The following APC variants were observed in gnomAD, a reference collection of about 807,000 sequenced individuals.
APC encodes adenomatous polyposis coli protein.
A neutral mutation model predicts 247.0 loss-of-function variants in APC; 72 were observed. The observed-to-expected ratio is 0.29, with a 90% CI of 0.24 to 0.35. The LOEUF (loss-of-function observed/expected upper bound fraction) is 0.35, where lower values mean the gene tolerates loss of function less well. Ranked by LOEUF, APC falls within the 10% of genes least tolerant of loss-of-function variation. The pLI is 1.00. For synonymous variants in APC, 1,254 were observed against 1,162.5 expected, an observed-to-expected ratio of 1.08 and a Z score of -1.60; for missense variants, 3,400 against 3,360.7, an observed-to-expected ratio of 1.01 and a Z score of -0.29.
Position 112,842,993 on chromosome 5 carries a change from C to A in APC, c.7399C>A (p.Pro2467Thr), listed in dbSNP as rs372305287. The A allele has an allele frequency of 1.0e-4, 168 of 1,613,906 alleles. No individual in the cohort carries two copies. The Middle Eastern group carries it at 1.3e-3, about 13-fold the overall frequency. The stretch of plus-strand genomic sequence containing the variant: ...ATCTGCTTCATTTGAATCTCTTTCT[C>A]CATCATCTAGACCAGCTTCTCCCAC... ...EESASFESLS[P>T]SSRPASPTRS... The change falls in exon 16 of 16, where the codon CCA becomes ACA. Residue 2467 changes from proline (P) to threonine (T), a missense_variant. Pro to Thr is a conservative substitution (Grantham distance 38). Around this residue, in one of 9 missense-constraint regions of APC, gnomAD observed 1,788 missense variants for 1,649.5 expected, o/e 1.08. Coordinates refer to ENST00000257430, the MANE Select transcript of APC (RefSeq NM_000038.6).
intron 1 of APC, among the ~76,000 whole-genome samples, chr5:112,740,765 A>G (rs1279847252): frequency 6.6e-6 from 1 of 151,904 alleles, no homozygotes; most frequent in Non-Finnish European, 1.5e-5. Flanking sequence ...AGCTCAAATG[A>G]TCCTCCCACC....
At chr5:112,732,700 TAGTC>T (rs1184450502) in intron 1 of APC, among the ~76,000 whole-genome samples, 7 of 152,172 alleles carry the variant, frequency 4.6e-5, no homozygotes, top group Non-Finnish European at 8.8e-5. Context: ...GGGATTTTAA[TAGTC>T]AGGAATGGGA....
intron 1 of APC, among the ~76,000 whole-genome samples, chr5:112,724,227 C>T (rs2149661642): frequency 6.6e-6 from 1 of 151,972 alleles, no homozygotes; most frequent in East Asian, 1.9e-4. Context: ...CTACTAGATA[C>T]CTGGGACAGT....
intron 2 of APC, among the ~76,000 whole-genome samples, chr5:112,755,441 A>G (rs1057412989): frequency 4.6e-5 from 7 of 152,200 alleles, no homozygotes; most frequent in African/African-American, 1.7e-4. Flanking sequence ...TAGGTGATCA[A>G]GAAAATCAGG....
At chr5:112,721,861 A>G (rs186609525) in intron 1 of APC, among the ~76,000 whole-genome samples, 2 of 152,110 alleles carry the variant, frequency 1.3e-5, no homozygotes, top group Admixed American at 1.3e-4. Context: ...AACACTAACA[A>G]TAGCTGATGA....
At chr5:112,759,367 T>TC (rs1306196299) in intron 2 of APC, among the ~76,000 whole-genome samples, 1 of 147,462 alleles carries the variant, frequency 6.8e-6, no homozygotes, top group East Asian at 1.9e-4. Context: ...TTTTTTTTTT[T>TC]TTTTTTTTTG....
intron 11 of APC, among the ~76,000 whole-genome samples, chr5:112,825,133 A>G (rs909821363): frequency 2.0e-5 from 3 of 152,182 alleles, no homozygotes; most frequent in Admixed American, 1.3e-4. Context: ...TCAAATTTCA[A>G]AATCTTGGAA....
chr5:112,774,741 T>C (rs2149812772), intron 4 of APC, among the ~76,000 whole-genome samples: 1 of 152,052 alleles, frequency 6.6e-6, no homozygotes, highest in South Asian at 2.1e-4. Context: ...CTTCCCTAAG[T>C]ATTGGCATTA....
rs759968571 is a variant in APC, at chr5:112,828,026, C to G, written c.1626+20C>G. On this transcript the variant is annotated intron_variant, in intron 13 of 15. Coordinates refer to ENST00000257430, the MANE Select transcript of APC (RefSeq NM_000038.6). Reference sequence around the variant, plus strand: ...CAGCAGGTACTATTTAGAATTTCACCTGTTTTTCTTTTTTCTCTTTTTCTT... The same window carrying G: ...CAGCAGGTACTATTTAGAATTTCACGTGTTTTTCTTTTTTCTCTTTTTCTT... 1.2e-6 allele frequency: 2 copies of G among 1,604,684 alleles called. No individual in the cohort carries two copies. Among genetic ancestry groups the G allele is most frequent in the Non-Finnish European group, 1.7e-6 (2 of 1,173,276 alleles).
intron 11 of APC, among the ~76,000 whole-genome samples, chr5:112,824,375 A>C (rs553259035): frequency 6.6e-6 from 1 of 152,218 alleles, no homozygotes; most frequent in African/African-American, 2.4e-5. Flanking sequence ...CTGTGCCTCA[A>C]AATTCTCTGA....
Position 112,819,309 on chromosome 5 carries a change from C to T in APC, c.1277C>T (p.Ala426Val), listed in dbSNP as rs1326984201. 1 of 1,613,996 alleles carries T rather than the reference C, an allele frequency of 6.2e-7. No individual in the cohort carries two copies. ...YCETCWEWQE[A>V]HEPGMDQDKN... ...GAAACCTGTTGGGAGTGGCAGGAAG[C>T]TCATGAACCAGGCATGGACCAGGAC... Residue 426 changes from alanine to valine, a missense_variant, in exon 10 of 16, where the codon GCT becomes GTT. Ala to Val is a moderately conservative substitution (Grantham distance 64, BLOSUM62 0). This residue lies in a region of APC where 199 missense variants were observed against 212.5 expected (regional missense o/e 0.94). Coordinates refer to ENST00000257430, the MANE Select transcript of APC (RefSeq NM_000038.6).
chr5:112,782,752 A>C (rs534693042), intron 6 of APC, among the ~76,000 whole-genome samples: 6 of 152,204 alleles, frequency 3.9e-5, no homozygotes, highest in Admixed American at 3.3e-4. Context: ...TAAAACGCTA[A>C]TGATAAAAGA....
intron 4 of APC, among the ~76,000 whole-genome samples, chr5:112,775,324 C>T (rs1380503538): frequency 2.0e-5 from 3 of 151,954 alleles, no homozygotes; most frequent in Non-Finnish European, 2.9e-5. Flanking sequence ...ATATGTGTAT[C>T]TTTTACCTAT....
At chr5:112,709,367 A>G (rs940637613) in intron 1 of APC, among the ~76,000 whole-genome samples, 1 of 152,178 alleles carries the variant, frequency 6.6e-6, no homozygotes, top group African/African-American at 2.4e-5. Context: ...AGCTTAAAAG[A>G]AGGAGGAATA....
intron 1 of APC, among the ~76,000 whole-genome samples, chr5:112,732,446 T>A (rs1752145658): frequency 6.6e-6 from 1 of 152,200 alleles, no homozygotes; most frequent in Non-Finnish European, 1.5e-5. Context: ...CATTTGTTTT[T>A]CCATATACAG....
intron 14 of APC, among the ~76,000 whole-genome samples, chr5:112,831,332 C>T (rs1008821120): frequency 1.3e-5 from 2 of 152,162 alleles, no homozygotes; most frequent in African/African-American, 4.8e-5. Context: ...TGGTCTTCAT[C>T]TCCTGACCTC....
At position 112,841,948 on chromosome 5, in the gene APC, T is replaced by C; in HGVS notation, c.6354T>C (p.Ala2118=). ...ANSIVSSLHQ[A]AAAACLSRQA... ...CCATAGTAAGTAGTTTACATCAAGC[T>C]GCTGCTGCTGCATGTTTATCTAGAC... is the stretch of plus-strand genomic sequence containing the variant. Residue 2118 remains alanine, a synonymous_variant, in exon 16 of 16, where the codon GCT becomes GCC. Coordinates refer to ENST00000257430, the MANE Select transcript of APC (RefSeq NM_000038.6). The surrounding 1 kb of genome is among the most constrained non-coding windows in gnomAD (Gnocchi z 4.6). The C allele has an allele frequency of 1.2e-6, 2 of 1,613,336 alleles. No homozygotes were observed. The highest frequency in any genetic ancestry group is 1.7e-6 in the Non-Finnish European group (2 of 1,179,366).
chr5:112,838,975 G>C lies in APC; in HGVS notation c.3381G>C (p.Gln1127His), dbSNP rs1554084977. The change falls in exon 16 of 16, where the codon CAG (glutamine) becomes CAC (histidine). Residue 1127 changes from glutamine to histidine, a missense_variant. This residue lies in a region of APC where 715 missense variants were observed against 656.6 expected (regional missense o/e 1.09). Transcript: ENST00000257430. The part of the protein sequence containing the change: ...SNHGINQNVS[Q>H]SLCQEDDYED... ...ATGGAATTAATCAAAATGTAAGCCA[G>C]TCTTTGTGTCAAGAAGATGACTATG... The C allele has an allele frequency of 6.2e-7, 1 of 1,614,132 alleles. No homozygotes were observed. The highest frequency in any genetic ancestry group is 8.5e-7 in the Non-Finnish European group (1 of 1,180,020).
chr5:112,819,586 GCATAGTA>G (rs1249123014), intron 10 of APC, among the ~76,000 whole-genome samples: 1 of 152,138 alleles, frequency 6.6e-6, no homozygotes, highest in Non-Finnish European at 1.5e-5. Flanking sequence ...TACAATCATA[GCATAGTA>G]GGGCCTTAGT....
Sources: gnomAD v4.1 joint callset for allele counts (sites outside exome capture counted in the v4.1 genomes callset) on GRCh38, gnomAD v4.1.1 for gene constraint, gnomAD v4.1.1 regional missense constraint, Gnocchi (gnomAD v3.1) non-coding constraint, MANE v1.5 for transcripts, NCBI Gene and HGNC (gene_info 2026-07-23, HGNC 2026-07-21) for gene names.